The following TNFSF15 variants were observed in gnomAD, a reference collection of about 807,000 sequenced individuals.
TNFSF15 encodes the protein TNF superfamily member 15, also known as tumor necrosis factor ligand superfamily member 15.
A neutral mutation model predicts 26.4 loss-of-function variants in TNFSF15; 15 were observed. That is an observed-to-expected ratio of 0.57 (90% CI 0.38 to 0.87). The LOEUF (loss-of-function observed/expected upper bound fraction) is 0.87. TNFSF15 is among the 40% of genes least tolerant of loss of function. The pLI is 0.00. For missense variants in TNFSF15, 290 were observed against 306.1 expected, an observed-to-expected ratio of 0.95 and a Z score of 0.39; for synonymous variants, 116 against 115.0, an observed-to-expected ratio of 1.01 and a Z score of -0.06.
At chr9:114,791,686 G>C (rs2131302849) in intron 3 of TNFSF15, 1 of 167,260 alleles carries the variant, frequency 6.0e-6, no homozygotes, top group South Asian at 2.1e-4. Context: ...CTCTAGGTGT[G>C]AGGTGCCTTG....
intron 2 of TNFSF15, 31 bp downstream of exon 2, chr9:114,793,495 G>T (rs774209994): frequency 6.2e-7 from 1 of 1,612,182 alleles, no homozygotes; most frequent in South Asian, 1.1e-5. Context: ...TATTCCCCAC[G>T]AGGAAAGGCG....
At chr9:114,798,433 T>C (rs553631773) in intron 1 of TNFSF15, among the ~76,000 whole-genome samples, 6 of 152,130 alleles carry the variant, frequency 3.9e-5, no homozygotes, top group Admixed American at 3.3e-4. Context: ...TCTGTTACTA[T>C]AGGTATTTTT....
At chr9:114,796,745 A>G (rs927612946) in intron 1 of TNFSF15, among the ~76,000 whole-genome samples, 2 of 152,220 alleles carry the variant, frequency 1.3e-5, no homozygotes, top group African/African-American at 4.8e-5. Context: ...TACGACATGT[A>G]AGGAGGCTCA....
rs1363662732 is a variant in TNFSF15 at position 114,789,063 on chromosome 9, G to A, written c.*1389C>T. 1 of 152,158 alleles carries A rather than the reference G, an allele frequency of 6.6e-6. No homozygotes were observed. The highest frequency in any genetic ancestry group is 1.5e-5 in the Non-Finnish European group (1 of 68,038). 9.4% of individuals were successfully genotyped at this position (152,158 alleles called of 1,614,324 possible). A position where few individuals can be genotyped will look rare whatever the true frequency, so the allele number is the denominator to read the frequency against. On this transcript the variant is annotated 3_prime_UTR_variant, in exon 4 of 4. Transcript: ENST00000374045. Reference sequence around the variant, plus strand: ...TTGCAAATCAAACCTCAAAGATCTAGGTTAACTTCTTCAGATTTGGTGATT... The same window carrying A: ...TTGCAAATCAAACCTCAAAGATCTAAGTTAACTTCTTCAGATTTGGTGATT...
chr9:114,792,194 C>T (rs1587898311), intron 3 of TNFSF15: 6 of 532,166 alleles, frequency 1.1e-5, no homozygotes, highest in Non-Finnish European at 1.3e-5. Flanking sequence ...ATAAGGAAAA[C>T]GTGTGTGTGT....
chr9:114,793,483 C>A, intron 2 of TNFSF15, 43 bp downstream of exon 2: 2 of 1,608,496 alleles, frequency 1.2e-6, no homozygotes, highest in South Asian at 2.2e-5. Flanking sequence ...TAGAAATGTT[C>A]TTATTCCCCA....
At chr9:114,793,218 T>C (rs112443983) in intron 2 of TNFSF15, among the ~76,000 whole-genome samples, 6 of 152,298 alleles carry the variant, frequency 3.9e-5, no homozygotes, top group African/African-American at 1.4e-4. Flanking sequence ...GGATCTACTA[T>C]AACCATTTTT....
Position 114,790,256 on chromosome 9 carries a change from T to C in TNFSF15, c.*196A>G, listed in dbSNP as rs187548359. The C allele has an allele frequency of 5.7e-6, 3 of 528,224 alleles. No homozygotes were observed. The highest frequency in any genetic ancestry group is 7.2e-5 in the Admixed American group (2 of 27,822). The allele number at this position is 528,224 out of a possible 1,614,324, so 32.7% of individuals were successfully genotyped here. ...ATATATTTGCTCTCTTCAGCCTTTT[T>C]CCAGTTAGTACTCTCATCAGTAAGG... On this transcript the variant is annotated 3_prime_UTR_variant, in exon 4 of 4. Coordinates refer to ENST00000374045, the MANE Select transcript of TNFSF15 (RefSeq NM_005118.4).
At position 114,790,921 on chromosome 9, in the gene TNFSF15, A is replaced by C; in HGVS notation, c.302-15T>G. ...TTGTCTCACAACTGGAAAGACAAGA[A>C]AGAGGATTAATTTTCTCATTGGGAA... On this transcript the variant is annotated splice_polypyrimidine_tract_variant and intron_variant, in intron 3 of 3. Coordinates refer to ENST00000374045, the MANE Select transcript of TNFSF15 (RefSeq NM_005118.4). 1 of 1,612,600 alleles carries C rather than the reference A, an allele frequency of 6.2e-7. No individual in the cohort carries two copies. Among genetic ancestry groups the C allele is most frequent in the Non-Finnish European group, 8.5e-7 (1 of 1,178,980 alleles).
intron 1 of TNFSF15, among the ~76,000 whole-genome samples, chr9:114,794,271 G>T (rs1254473924): frequency 1.3e-5 from 2 of 152,166 alleles, no homozygotes; most frequent in African/African-American, 4.8e-5. Flanking sequence ...GAGGTGAAGA[G>T]CAAATCAGAA....
chr9:114,790,741 C>T lies in TNFSF15; in HGVS notation c.467G>A (p.Arg156His), dbSNP rs139705441. 86 of 1,613,882 alleles carry T rather than the reference C, an allele frequency of 5.3e-5. No individual in the cohort carries two copies. The highest frequency in any genetic ancestry group is 9.9e-5 in the South Asian group (9 of 91,058). Residue 156 changes from arginine to histidine, a missense_variant, in exon 4 of 4, where the codon CGT becomes CAT. Physicochemically the swap from Arg to His is conservative, Grantham distance 29. Around this residue, in one of 3 missense-constraint regions of TNFSF15, gnomAD observed 9 missense variants for 25.5 expected, o/e 0.35. Transcript: ENST00000374045. ...TTCACTGCACTCAGAGGTCATCCCA[C>T]GGAATGTGACCTGGGAGTAAATGAA... ...DYFIYSQVTF[R>H]GMTSECSEIR... is the part of the protein sequence containing the mutation.
intron 3 of TNFSF15, 74 bp downstream of exon 3, chr9:114,792,333 T>C: frequency 6.4e-7 from 1 of 1,558,848 alleles, no homozygotes; most frequent in Admixed American, 2.0e-5. Context: ...CTAGAATGAA[T>C]TTTGGTAAAG....
chr9:114,790,217 A>T lies in TNFSF15; in HGVS notation c.*235T>A. 1 of 426,104 alleles carries T rather than the reference A, an allele frequency of 2.3e-6. No homozygotes were observed. The highest frequency in any genetic ancestry group is 4.2e-6 in the Non-Finnish European group (1 of 239,928). The allele number at this position is 426,104 out of a possible 1,614,324, so 26.4% of individuals were successfully genotyped here. On this transcript the variant is annotated 3_prime_UTR_variant, in exon 4 of 4. Coordinates refer to ENST00000374045, the MANE Select transcript of TNFSF15 (RefSeq NM_005118.4). ...ATATTTAGAAACTCGCCAATCCTCC[A>T]ACCCATCTTAATAATATATTTGCTC...
Position 114,790,543 on chromosome 9 carries a change from T to C in TNFSF15, c.665A>G (p.Glu222Gly). 1 of 1,614,112 alleles carries C rather than the reference T, an allele frequency of 6.2e-7. No homozygotes were observed. The highest frequency in any genetic ancestry group is 1.1e-5 in the South Asian group (1 of 91,086). The change falls in exon 4 of 4, where the codon GAA (glutamate) becomes GGA (glycine). Residue 222 changes from glutamate to glycine, a missense_variant. By Grantham distance (98) the Glu-to-Gly change is moderately conservative. This residue lies in a region of TNFSF15 where 102 missense variants were observed against 114.7 expected (regional missense o/e 0.89). Coordinates refer to ENST00000374045, the MANE Select transcript of TNFSF15 (RefSeq NM_005118.4). ...GACGTTCACCATTAGCTTGTCCCCTTCTTGCAAGGAGAACATGGCTCCGAG... is the reference window on the plus strand; with the variant it reads ...GACGTTCACCATTAGCTTGTCCCCTCCTTGCAAGGAGAACATGGCTCCGAG... ...IYLGAMFSLQ[E>G]GDKLMVNVSD...
chr9:114,793,690 G>A (rs1455305216), intron 1 of TNFSF15, 122 bp from the exon 2 acceptor site: 17 of 833,694 alleles, frequency 2.0e-5, no homozygotes, highest in Non-Finnish European at 2.0e-6. Context: ...ACTCTGTGAT[G>A]AGGGAAATGA....
In TNFSF15 at chr9:114,790,995, T is replaced by TA. The variant is rs771705541; in HGVS notation, c.302-90dup. 15 of 1,332,022 alleles carry TA rather than the reference T, an allele frequency of 1.1e-5. No individual in the cohort carries two copies. In the East Asian group the frequency reaches 1.2e-4, roughly 11 times the overall value. The allele number at this position is 1,332,022 out of a possible 1,614,324, so 82.5% of individuals were successfully genotyped here. A position where few individuals can be genotyped will look rare whatever the true frequency, so the allele number is the denominator to read the frequency against. ...GTCTCATATCATTTTCAAAATAGAC[T>TA]AAAGTGATCGAATATACCTAACAGC... is the stretch of plus-strand genomic sequence containing the variant. On this transcript the variant is annotated intron_variant, in intron 3 of 3. Transcript: ENST00000374045.
chr9:114,790,743 G>A lies in TNFSF15; in HGVS notation c.465C>T (p.Phe155=), dbSNP rs550542206. 1 of 1,614,076 alleles carries A rather than the reference G, an allele frequency of 6.2e-7. No homozygotes were observed. The highest frequency in any genetic ancestry group is 8.5e-7 in the Non-Finnish European group (1 of 1,180,024). ...GDYFIYSQVT[F]RGMTSECSEI... ...CACTGCACTCAGAGGTCATCCCACGGAATGTGACCTGGGAGTAAATGAAGT... is the reference window on the plus strand; with the variant it reads ...CACTGCACTCAGAGGTCATCCCACGAAATGTGACCTGGGAGTAAATGAAGT... Residue 155 remains phenylalanine (F), a synonymous_variant, in exon 4 of 4, where the codon TTC becomes TTT. Transcript: ENST00000374045.
chr9:114,790,872 A>G lies in TNFSF15; in HGVS notation c.336T>C (p.Asn112=). Residue 112 remains asparagine, a synonymous_variant, in exon 4 of 4, where the codon AAT becomes AAC. Coordinates refer to ENST00000374045, the MANE Select transcript of TNFSF15 (RefSeq NM_005118.4). ...GTTCCCAGTGCAGAGCTGGGAACTG[A>G]TTTTTAAAGTGCTGTGTGGGAGTTT... is the stretch of plus-strand genomic sequence containing the variant. ...VRQTPTQHFK[N]QFPALHWEHE... 1 of 1,614,164 alleles carries G rather than the reference A, an allele frequency of 6.2e-7. No homozygotes were observed. Among genetic ancestry groups the G allele is most frequent in the Non-Finnish European group, 8.5e-7 (1 of 1,180,040 alleles).
chr9:114,791,253 G>A (rs1337062042), intron 3 of TNFSF15: 1 of 422,532 alleles, frequency 2.4e-6, no homozygotes, highest in Non-Finnish European at 4.4e-6. Context: ...CTTGCTGCAA[G>A]AATTATCCTT....
Sources: allele counts gnomAD v4.1 joint callset (sites outside exome capture counted in the v4.1 genomes callset), GRCh38; gene constraint gnomAD v4.1.1; regional missense constraint gnomAD v4.1.1; transcripts MANE v1.5; gene names NCBI Gene and HGNC (gene_info 2026-07-23, HGNC 2026-07-21).